Variants in TVP23A observed in about 807,000 individuals in gnomAD.
TVP23A encodes Golgi apparatus membrane protein TVP23 homolog A.
In TVP23A, 21 loss-of-function variants were observed where a neutral mutation model predicts 31.7. That is an observed-to-expected ratio of 0.66 (90% CI 0.47 to 0.95). The LOEUF (loss-of-function observed/expected upper bound fraction) is 0.95, where lower values mean the gene tolerates loss of function less well. TVP23A is among the 40% of genes least tolerant of loss of function. TVP23A has a pLI of 0.00. For synonymous variants in TVP23A, 104 were observed against 96.0 expected (o/e 1.08, Z -0.49); for missense variants, 279 against 255.6 (o/e 1.09, Z -0.62).
downstream of TVP23A, among the ~76,000 whole-genome samples, chr16:10,764,434 G>A (rs1005484547): frequency 4.6e-5 from 7 of 151,444 alleles, no homozygotes; most frequent in African/African-American, 1.7e-4. Context: ...TCAGTCTGCT[G>A]GAGTATGCCA....
At position 10,768,395 on chromosome 16, in the gene TVP23A, T is replaced by C; in HGVS notation, c.*707A>G. On this transcript the variant is annotated 3_prime_UTR_variant, in exon 8 of 8. Coordinates refer to ENST00000299866, the MANE Select transcript of TVP23A (RefSeq NM_001079512.4). This position sits in a 1 kb window ranked among gnomAD's most constrained non-coding sequence, Gnocchi z 4.3. The stretch of plus-strand genomic sequence containing the variant: ...AGGCAGGCAGATCACTTGAGGCTGG[T>C]CAGGAGTTCAAGACCAGCCTGGCTA... 1 of 171,230 alleles carries C rather than the reference T, an allele frequency of 5.8e-6. No individual in the cohort carries two copies. The highest frequency in any genetic ancestry group is 1.2e-5 in the Non-Finnish European group (1 of 80,530). 10.6% of individuals were successfully genotyped at this position (171,230 alleles called of 1,614,324 possible). A position where few individuals can be genotyped will look rare whatever the true frequency, so the allele number is the denominator to read the frequency against.
downstream of TVP23A, chr16:10,761,801 C>T (rs775929367): frequency 2.7e-5 from 43 of 1,613,976 alleles, no homozygotes; most frequent in Non-Finnish European, 3.6e-5. Flanking sequence ...GCGCGGAGCT[C>T]ATGTGCCAGG....
At chr16:10,808,857 G>C (rs546900131) in intron 2 of TVP23A, among the ~76,000 whole-genome samples, 1 of 152,250 alleles carries the variant, frequency 6.6e-6, no homozygotes, top group South Asian at 2.1e-4. Flanking sequence ...ACCAAAATTA[G>C]ATCTAAGAAA....
In TVP23A at chr16:10,779,852, G is replaced by A. The variant is rs2032311911; in HGVS notation, c.90-4756C>T. ...CCTGTAATCCCCAGCCCTTTGGGAAGCTGAGGCAGGCAGATCACTTGAGCT... is the reference window on the plus strand; with the variant it reads ...CCTGTAATCCCCAGCCCTTTGGGAAACTGAGGCAGGCAGATCACTTGAGCT... On this transcript the variant is annotated intron_variant, in intron 2 of 7. Transcript: ENST00000299866. This position sits in a 1 kb window ranked among gnomAD's most constrained non-coding sequence, Gnocchi z 4.9. 1.3e-5 allele frequency among the ~76,000 whole-genome samples: 2 copies of A among 152,218 alleles called. No individual in the cohort carries two copies. Among genetic ancestry groups the A allele is most frequent in the Admixed American group, 1.3e-4 (2 of 15,280 alleles).
intron 2 of TVP23A, among the ~76,000 whole-genome samples, chr16:10,798,504 G>A (rs111994060): frequency 6.6e-5 from 10 of 152,258 alleles, no homozygotes; most frequent in Non-Finnish European, 1.0e-4. Context: ...GATGGCCACC[G>A]GTGATCCTGA....
chr16:10,760,256 C>T (rs989310327), downstream of TVP23A, among the ~76,000 whole-genome samples: 3 of 152,230 alleles, frequency 2.0e-5, no homozygotes, highest in Non-Finnish European at 4.4e-5. Context: ...GCCCCTTAGC[C>T]GTGCCACTGT....
chr16:10,796,923 C>T (rs991326944), intron 2 of TVP23A, among the ~76,000 whole-genome samples: 1 of 152,184 alleles, frequency 6.6e-6, no homozygotes, highest in African/African-American at 2.4e-5. Flanking sequence ...AAACTGGAAT[C>T]TGGGCACGGT....
At chr16:10,765,630 G>C (rs2030766964), downstream of TVP23A, among the ~76,000 whole-genome samples, 1 of 152,208 alleles carries the variant, frequency 6.6e-6, no homozygotes, top group East Asian at 1.9e-4. The surrounding 1 kb of genome is among the most constrained non-coding windows in gnomAD (Gnocchi z 4.0). Context: ...ATTAGATCCT[G>C]ATACGGCTTT....
At chr16:10,813,999 CAAA>C (rs201277067) in intron 2 of TVP23A, among the ~76,000 whole-genome samples, 211 of 49,426 alleles carry the variant, frequency 4.3e-3, no homozygotes, top group African/African-American at 8.1e-3. Context: ...AACTCCATCT[CAAA>C]AAAAAAAAAA....
At chr16:10,788,254 T>G (rs530726226) in intron 2 of TVP23A, among the ~76,000 whole-genome samples, 1 of 150,540 alleles carries the variant, frequency 6.6e-6, no homozygotes, top group African/African-American at 2.5e-5. Flanking sequence ...TGGGTTAAGA[T>G]GAGGGGTTGT....
chr16:10,818,228 A>ACC lies in TVP23A; in HGVS notation c.10-48_10-47dup. On this transcript the variant is annotated intron_variant, in intron 1 of 7. Transcript: ENST00000299866. This position sits in a 1 kb window ranked among gnomAD's most constrained non-coding sequence, Gnocchi z 4.7. Reference sequence around the variant, plus strand: ...GGTGGCAGGCCCAAGCACGGCGCACACCCCAACCCCACCCGCCCTGTCCTC... The same window carrying ACC: ...GGTGGCAGGCCCAAGCACGGCGCACACCCCCCAACCCCACCCGCCCTGTCCTC... The ACC allele has an allele frequency of 6.8e-7, 1 of 1,470,074 alleles. No individual in the cohort carries two copies. Among genetic ancestry groups the ACC allele is most frequent in the Non-Finnish European group, 9.3e-7 (1 of 1,077,606 alleles). 91.1% of individuals were successfully genotyped at this position (1,470,074 alleles called of 1,614,324 possible). A position where few individuals can be genotyped will look rare whatever the true frequency, so the allele number is the denominator to read the frequency against.
intron 2 of TVP23A, chr16:10,775,472 A>G (rs2031945458): frequency 3.8e-6 from 4 of 1,064,758 alleles, no homozygotes; most frequent in African/African-American, 3.3e-5. Flanking sequence ...GGGTTTTTCC[A>G]CCACCAGTCA....
intron 2 of TVP23A, among the ~76,000 whole-genome samples, chr16:10,793,649 A>C (rs1027005416): frequency 2.0e-5 from 3 of 151,848 alleles, no homozygotes; most frequent in African/African-American, 7.3e-5. Context: ...TAATCCCAGC[A>C]TTTGGGAGGC....
At chr16:10,771,080 G>C (rs142133807) in intron 6 of TVP23A, among the ~76,000 whole-genome samples, 239 of 152,140 alleles carry the variant, frequency 1.6e-3, no homozygotes, top group African/African-American at 5.5e-3. Context: ...AGGAGGAGGG[G>C]GAGTTAGTGT....
intron 6 of TVP23A, 127 bp from the exon 7 acceptor site, chr16:10,770,458 G>T: frequency 1.0e-6 from 1 of 982,508 alleles, no homozygotes; most frequent in Non-Finnish European, 1.5e-6. Context: ...TGATGTCTTG[G>T]CATAAAGCAG....
Position 10,786,774 on chromosome 16 carries a change from T to C in TVP23A, c.90-11678A>G, listed in dbSNP as rs1186507424. On this transcript the variant is annotated intron_variant, in intron 2 of 7. Transcript: ENST00000299866. ...GGGATGGGCATTGGGAACGTCAGGTTCATTGTTCTCTATACTTTTACGTAA... is the reference window on the plus strand; with the variant it reads ...GGGATGGGCATTGGGAACGTCAGGTCCATTGTTCTCTATACTTTTACGTAA... Among the ~76,000 whole-genome samples the C allele has an allele frequency of 2.0e-5, 3 of 149,622 alleles. No individual in the cohort carries two copies. The Admixed American group carries it at 2.0e-4, about 10-fold the overall frequency.
intron 2 of TVP23A, among the ~76,000 whole-genome samples, chr16:10,814,708 C>G (rs1317399215): frequency 6.6e-6 from 1 of 152,204 alleles, no homozygotes; most frequent in African/African-American, 2.4e-5. Context: ...TAAATAATAT[C>G]AAAACATTTG....
At chr16:10,796,977 C>A (rs917786940) in intron 2 of TVP23A, among the ~76,000 whole-genome samples, 2 of 151,980 alleles carry the variant, frequency 1.3e-5, no homozygotes, top group African/African-American at 4.8e-5. Context: ...GTGACTTGAG[C>A]CCAAGAATTC....
downstream of TVP23A, among the ~76,000 whole-genome samples, chr16:10,764,719 A>C (rs2030598480): frequency 6.8e-6 from 1 of 146,342 alleles, no homozygotes; most frequent in Admixed American, 7.0e-5. Context: ...CTGCTGGAGT[A>C]TGTCAGTCTG....
Sources: gnomAD v4.1 joint callset for allele counts (sites outside exome capture counted in the v4.1 genomes callset) on GRCh38, gnomAD v4.1.1 for gene constraint, Gnocchi (gnomAD v3.1) non-coding constraint, MANE v1.5 for transcripts, NCBI Gene and HGNC (gene_info 2026-07-23, HGNC 2026-07-21) for gene names.